Variants in ANKRD11 observed in about 807,000 individuals in gnomAD.
ANKRD11 encodes the protein ankyrin repeat domain 11, also known as ankyrin repeat domain-containing protein 11.
A neutral mutation model predicts 195.7 loss-of-function variants in ANKRD11; 17 were observed. That is an observed-to-expected ratio of 0.09 (90% confidence interval 0.06 to 0.13). ANKRD11 has a LOEUF of 0.13. ANKRD11 is among the 10% of genes least tolerant of loss of function. The probability of loss-of-function intolerance (pLI) is 1.00; values close to 1 mark genes in which losing one functional copy is unlikely to be tolerated. For synonymous variants in ANKRD11, 1,953 were observed against 1,528.1 expected, an observed-to-expected ratio of 1.28 and a Z score of -6.49; for missense variants, 3,735 against 3,566.1, an observed-to-expected ratio of 1.05 and a Z score of -1.21.
rs138878502 is a variant in ANKRD11, at chr16:89,452,114, C to G, written c.-144-33746G>C. Among the ~76,000 whole-genome samples, 1,365 of 152,030 alleles carry G rather than the reference C, an allele frequency of 9.0e-3. 19 individuals carry two copies. Among genetic ancestry groups the G allele is most frequent in the African/African-American group, 0.031 (1,276 of 41,444 alleles). On this transcript the variant is annotated intron_variant, in intron 1 of 12. Coordinates refer to ENST00000301030, the MANE Select transcript of ANKRD11 (RefSeq NM_013275.6). ...TCTCTACTAAAATACAAAAATTAAC[C>G]AGGCATGGTGGCACACGCCTATAAT...
chr16:89,383,462 TG>T (rs1383806278), intron 2 of ANKRD11, among the ~76,000 whole-genome samples: 1 of 152,198 alleles, frequency 6.6e-6, no homozygotes, highest in Non-Finnish European at 1.5e-5. Context: ...CCCTCCCTGA[TG>T]GGCTCATTTC....
At chr16:89,354,430 T>C (rs1467318859) in intron 2 of ANKRD11, among the ~76,000 whole-genome samples, 2 of 152,136 alleles carry the variant, frequency 1.3e-5, no homozygotes, top group African/African-American at 2.4e-5. Flanking sequence ...TGAGGTCCAC[T>C]ATGCCAGCGC....
intron 2 of ANKRD11, chr16:89,370,614 T>C (rs1046677078): frequency 6.6e-6 from 1 of 152,390 alleles, no homozygotes; most frequent in African/African-American, 2.4e-5. Flanking sequence ...ATTTGACAAA[T>C]GACCGACTGA....
intron 2 of ANKRD11, among the ~76,000 whole-genome samples, chr16:89,335,407 C>G (rs975436764): frequency 3.3e-5 from 5 of 152,340 alleles, no homozygotes; most frequent in African/African-American, 1.2e-4. Context: ...AGCTTGAGGC[C>G]TCTGCATTCA....
chr16:89,451,224 A>G (rs1246868820), intron 1 of ANKRD11, among the ~76,000 whole-genome samples: 1 of 152,176 alleles, frequency 6.6e-6, no homozygotes, highest in Non-Finnish European at 1.5e-5. Flanking sequence ...AAGTGCTAAT[A>G]GTTTTAAGGG....
At chr16:89,336,217 T>C (rs2151979631) in intron 2 of ANKRD11, among the ~76,000 whole-genome samples, 1 of 152,290 alleles carries the variant, frequency 6.6e-6, no homozygotes, top group African/African-American at 2.4e-5. Flanking sequence ...ACTCAAGACT[T>C]GAGGGGTTCA....
At chr16:89,371,297 A>C (rs2152080253) in intron 2 of ANKRD11, among the ~76,000 whole-genome samples, 1 of 152,366 alleles carries the variant, frequency 6.6e-6, no homozygotes, top group African/African-American at 2.4e-5. Context: ...CAATTCTCAC[A>C]GAACAGAAAC....
chr16:89,476,081 C>G (rs1425532273), intron 1 of ANKRD11, among the ~76,000 whole-genome samples: 1 of 150,846 alleles, frequency 6.6e-6, no homozygotes, highest in Admixed American at 6.6e-5. Context: ...AAGAAAACAA[C>G]TGAGCCAAAC....
rs139523271 is a variant in ANKRD11 at position 89,284,330 on chromosome 16, G to C, written c.2212C>G (p.Arg738Gly). 1.2e-6 allele frequency: 2 copies of C among 1,613,414 alleles called. No individual in the cohort carries two copies. The highest frequency in any genetic ancestry group is 1.1e-5 in the South Asian group (1 of 91,006). The change falls in exon 9 of 13, where the codon CGT (arginine) becomes GGT (glycine). Residue 738 changes from arginine (R) to glycine (G), a missense_variant. Physicochemically the swap from Arg to Gly is moderately radical, Grantham distance 125 (BLOSUM62 -2). Transcript: ENST00000301030. ...ISRSFREEKD[R>G]SNKAEKERSL... ...CTCTCCTTTTCTGCTTTATTCGAAC[G>C]GTCTTTCTCTTCTCGGAAAGACCTG...
At chr16:89,269,175 G>T (rs1375411631) in intron 12 of ANKRD11, among the ~76,000 whole-genome samples, 1 of 152,126 alleles carries the variant, frequency 6.6e-6, no homozygotes, top group African/African-American at 2.4e-5. Context: ...ACCGTGTAGA[G>T]AATCTTTTTT....
chr16:89,301,010 G>T lies in ANKRD11; in HGVS notation c.226+4196C>A, dbSNP rs549519974. Reference sequence around the variant, plus strand: ...CAGGGTCACAGACGAAGGCGCAGGAGAAACAGCGGGGCAGGAGGCTCCCCA... The same window carrying T: ...CAGGGTCACAGACGAAGGCGCAGGATAAACAGCGGGGCAGGAGGCTCCCCA... On this transcript the variant is annotated intron_variant, in intron 4 of 12. Transcript: ENST00000301030. The T allele has an allele frequency of 8.7e-5, 54 of 624,014 alleles. 1 individual carries two copies. Among genetic ancestry groups the T allele is most frequent in the South Asian group, 7.4e-4 (42 of 56,514 alleles). The allele number at this position is 624,014 out of a possible 1,614,324, so 38.7% of individuals were successfully genotyped here.
At chr16:89,334,158 A>C (rs1195472291) in intron 2 of ANKRD11, among the ~76,000 whole-genome samples, 1 of 140,256 alleles carries the variant, frequency 7.1e-6, no homozygotes, top group East Asian at 2.1e-4. Context: ...AAAAAAAAAA[A>C]AAAAAAAAAA....
At chr16:89,468,216 G>C (rs968062415) in intron 1 of ANKRD11, among the ~76,000 whole-genome samples, 2 of 152,198 alleles carry the variant, frequency 1.3e-5, no homozygotes, top group Non-Finnish European at 2.9e-5. Context: ...CAATTATTTG[G>C]ATGACTACAG....
At chr16:89,465,864 C>T (rs1485339003) in intron 1 of ANKRD11, among the ~76,000 whole-genome samples, 1 of 152,172 alleles carries the variant, frequency 6.6e-6, no homozygotes, top group East Asian at 1.9e-4. Context: ...GCGCCCGCCA[C>T]CATGCCCGGC....
intron 2 of ANKRD11, among the ~76,000 whole-genome samples, chr16:89,353,205 G>A (rs1222187198): frequency 6.6e-6 from 1 of 151,990 alleles, no homozygotes; most frequent in African/African-American, 2.4e-5. Flanking sequence ...AGCCGTGCAT[G>A]GTGGCAGACG....
At chr16:89,290,365 G>A (rs2034967344) in intron 6 of ANKRD11, among the ~76,000 whole-genome samples, 1 of 58,076 alleles carries the variant, frequency 1.7e-5, no homozygotes, top group Non-Finnish European at 4.1e-5. Flanking sequence ...TCCAATGGGG[G>A]GAGGCTCAGG....
At chr16:89,274,340 G>C (rs1333185151) in intron 11 of ANKRD11, among the ~76,000 whole-genome samples, 3 of 152,222 alleles carry the variant, frequency 2.0e-5, no homozygotes, top group Non-Finnish European at 2.9e-5. Flanking sequence ...CGGCACACCT[G>C]GGTGCCCGTG....
At chr16:89,375,101 G>A (rs1248880982) in intron 2 of ANKRD11, among the ~76,000 whole-genome samples, 4 of 152,036 alleles carry the variant, frequency 2.6e-5, no homozygotes, top group African/African-American at 9.7e-5. Context: ...TAACGTCGCA[G>A]GCTCAAGCAG....
At chr16:89,484,539 T>C (rs2057543802) in intron 1 of ANKRD11, among the ~76,000 whole-genome samples, 1 of 152,186 alleles carries the variant, frequency 6.6e-6, no homozygotes, top group African/African-American at 2.4e-5. Context: ...AAATTTATTC[T>C]AAGCCATTAG....
Sources: allele counts gnomAD v4.1 joint callset (sites outside exome capture counted in the v4.1 genomes callset), GRCh38; gene constraint gnomAD v4.1.1; transcripts MANE v1.5; gene names NCBI Gene and HGNC (gene_info 2026-07-23, HGNC 2026-07-21).